SLC22A3: variants seen among roughly 807,000 people sequenced by gnomAD.
SLC22A3 encodes solute carrier family 22 member 3, also known as EMT organic cation transporter 3.
A neutral mutation model predicts 59.1 loss-of-function variants in SLC22A3; 51 were observed. That is an observed-to-expected ratio of 0.86 (90% CI 0.69 to 1.09). The LOEUF is 1.09. Ranked by LOEUF, SLC22A3 falls within the 50% of genes least tolerant of loss-of-function variation. The pLI is 0.00. For missense variants in SLC22A3, 711 were observed against 726.3 expected (o/e 0.98, Z 0.24); for synonymous variants, 325 against 292.0 (o/e 1.11, Z -1.15).
At chr6:160,425,930 A>G in intron 5 of SLC22A3, 2 of 985,456 alleles carry the variant, frequency 2.0e-6, no homozygotes, top group Non-Finnish European at 2.4e-6. Context: ...GGAATTCCAG[A>G]GATGGCGTGT....
chr6:160,370,556 A>G (rs1785364932), intron 1 of SLC22A3, among the ~76,000 whole-genome samples: 1 of 152,226 alleles, frequency 6.6e-6, no homozygotes, highest in Non-Finnish European at 1.5e-5. Flanking sequence ...GCATTAATAA[A>G]ACAATATGTA....
At chr6:160,402,043 A>C (rs1786805121) in intron 2 of SLC22A3, among the ~76,000 whole-genome samples, 2 of 151,968 alleles carry the variant, frequency 1.3e-5, no homozygotes, top group African/African-American at 4.8e-5. Flanking sequence ...GCCAATACTC[A>C]CTTTAAATGT....
chr6:160,438,692 T>A (rs1788438577), intron 7 of SLC22A3, among the ~76,000 whole-genome samples: 1 of 152,128 alleles, frequency 6.6e-6, no homozygotes, highest in Non-Finnish European at 1.5e-5. Flanking sequence ...ACATTTCTCT[T>A]GTTTTCCTTG....
chr6:160,432,812 C>T (rs1440352848), intron 5 of SLC22A3, among the ~76,000 whole-genome samples: 4 of 152,100 alleles, frequency 2.6e-5, no homozygotes, highest in African/African-American at 9.7e-5. Context: ...GACACATTAC[C>T]GCATAATGGT....
chr6:160,384,971 C>A (rs1408296649), intron 1 of SLC22A3, among the ~76,000 whole-genome samples: 2 of 152,190 alleles, frequency 1.3e-5, no homozygotes, highest in Non-Finnish European at 2.9e-5. Context: ...TTTATCAAAC[C>A]AGCGCTCCGG....
intron 2 of SLC22A3, among the ~76,000 whole-genome samples, chr6:160,405,447 A>G (rs1786973821): frequency 6.6e-6 from 1 of 152,184 alleles, no homozygotes; most frequent in Non-Finnish European, 1.5e-5. Context: ...ATTCTCATTC[A>G]TTGCTGGTGA....
chr6:160,392,946 A>T (rs1025637009), intron 1 of SLC22A3, among the ~76,000 whole-genome samples: 3 of 151,832 alleles, frequency 2.0e-5, no homozygotes, highest in African/African-American at 7.3e-5. Context: ...GTGACTCCTG[A>T]TTTCAAGCTA....
intron 7 of SLC22A3, among the ~76,000 whole-genome samples, chr6:160,441,260 T>C (rs1249898807): frequency 6.6e-6 from 1 of 152,102 alleles, no homozygotes; most frequent in Non-Finnish European, 1.5e-5. Flanking sequence ...CACATGCTCA[T>C]TGAAAGATGG....
rs201176522 is a variant in SLC22A3, at chr6:160,387,282, G to A, written c.430-10697G>A. On this transcript the variant is annotated intron_variant, in intron 1 of 10. Coordinates refer to ENST00000275300, the MANE Select transcript of SLC22A3 (RefSeq NM_021977.4). The stretch of plus-strand genomic sequence containing the variant: ...AGCAAATAAGTGAAGAAAGAGTGGT[G>A]GGGGAGGAGCATTGGACAGAGGGAA... 1.8e-4 allele frequency among the ~76,000 whole-genome samples: 28 copies of A among 152,330 alleles called. No individual in the cohort carries two copies. In the East Asian group the frequency reaches 3.1e-3, roughly 17 times the overall value.
In SLC22A3 at chr6:160,407,159, T is replaced by A; in HGVS notation, c.652T>A (p.Phe218Ile). 6.2e-7 allele frequency: 1 copy of A among 1,612,120 alleles called. No individual in the cohort carries two copies. ...FVIFRFLQGV[F>I]GKGTWMTCYV... is the part of the protein sequence containing the mutation. ...GATCTTCCGCTTCCTGCAAGGTGTA[T>A]TTGGAAAGGGGACGTGGATGACTTG... The change falls in exon 3 of 11, where the codon TTT (phenylalanine) becomes ATT (isoleucine). Residue 218 changes from phenylalanine (F) to isoleucine (I), a missense_variant. Transcript: ENST00000275300.
At chr6:160,404,866 CAAAA>C (rs35421179) in intron 2 of SLC22A3, among the ~76,000 whole-genome samples, 4 of 107,216 alleles carry the variant, frequency 3.7e-5, no homozygotes, top group African/African-American at 7.1e-5. Context: ...CAACCACATG[CAAAA>C]AAAAAAAAAA....
At chr6:160,405,193 T>G (rs1180861261) in intron 2 of SLC22A3, among the ~76,000 whole-genome samples, 1 of 151,886 alleles carries the variant, frequency 6.6e-6, no homozygotes, top group Non-Finnish European at 1.5e-5. Context: ...TATAAAGAAC[T>G]CTTAAAACAC....
intron 2 of SLC22A3, among the ~76,000 whole-genome samples, chr6:160,404,636 G>A (rs1012105023): frequency 5.9e-5 from 9 of 152,036 alleles, no homozygotes; most frequent in African/African-American, 9.7e-5. Context: ...AATAGCCAAC[G>A]CAGTACTGAA....
intron 1 of SLC22A3, among the ~76,000 whole-genome samples, chr6:160,362,219 G>A (rs1288817317): frequency 2.6e-5 from 4 of 152,208 alleles, no homozygotes; most frequent in Non-Finnish European, 4.4e-5. Flanking sequence ...GAAAAGCCTG[G>A]TATTAATCCA....
At chr6:160,382,794 T>A (rs1785845611) in intron 1 of SLC22A3, among the ~76,000 whole-genome samples, 1 of 152,046 alleles carries the variant, frequency 6.6e-6, no homozygotes, top group Non-Finnish European at 1.5e-5. Context: ...ATTAAAAGAA[T>A]TAAAGGAAAA....
intron 5 of SLC22A3, among the ~76,000 whole-genome samples, chr6:160,434,124 G>C (rs768163959): frequency 6.6e-6 from 1 of 152,184 alleles, no homozygotes; most frequent in Admixed American, 6.5e-5. Flanking sequence ...TCATGGCAAC[G>C]AGTTGGTGGT....
chr6:160,448,754 T>C (rs2114933299), intron 10 of SLC22A3, among the ~76,000 whole-genome samples: 1 of 152,256 alleles, frequency 6.6e-6, no homozygotes, highest in South Asian at 2.1e-4. Flanking sequence ...AGATGTAAAA[T>C]ATTAATATGT....
intron 1 of SLC22A3, among the ~76,000 whole-genome samples, chr6:160,364,772 C>T (rs1036611197): frequency 6.6e-6 from 1 of 152,126 alleles, no homozygotes; most frequent in Non-Finnish European, 1.5e-5. Context: ...AGGACTCCAT[C>T]GCTCAGAGCA....
At chr6:160,362,735 G>T (rs1283362445) in intron 1 of SLC22A3, among the ~76,000 whole-genome samples, 1 of 152,204 alleles carries the variant, frequency 6.6e-6, no homozygotes, top group Non-Finnish European at 1.5e-5. Context: ...GAGCCTTCTG[G>T]CATTGTGGGT....
Sources: allele counts gnomAD v4.1 joint callset (sites outside exome capture counted in the v4.1 genomes callset), GRCh38; gene constraint gnomAD v4.1.1; transcripts MANE v1.5; gene names NCBI Gene and HGNC (gene_info 2026-07-23, HGNC 2026-07-21).